Variants in GABRG1 observed in about 807,000 individuals in gnomAD.
GABRG1 encodes gamma-aminobutyric acid receptor subunit gamma-1.
GABRG1 carries 49 observed loss-of-function variants against 49.8 expected under a neutral mutation model. That is an observed-to-expected ratio of 0.98 (90% CI 0.78 to 1.25). The LOEUF (loss-of-function observed/expected upper bound fraction) is 1.25. GABRG1 is among the 50% of genes most tolerant of loss of function. The pLI, the probability that GABRG1 is intolerant of heterozygous loss-of-function variation, is 0.00. For missense variants in GABRG1, 552 were observed against 552.3 expected (o/e 1.00, Z 0.01); for synonymous variants, 232 against 185.1 (o/e 1.25, Z -2.06).
intron 7 of GABRG1, among the ~76,000 whole-genome samples, chr4:46,053,791 C>T (rs1226098097): frequency 6.6e-6 from 1 of 151,946 alleles, no homozygotes; most frequent in Non-Finnish European, 1.5e-5. Flanking sequence ...TGCTTTCAGA[C>T]ATTTATTTAA....
At position 46,051,481 on chromosome 4, in the gene GABRG1, G is replaced by C. The variant is rs770706010; in HGVS notation, c.1074C>G (p.Thr358=). 1 of 1,610,438 alleles carries C rather than the reference G, an allele frequency of 6.2e-7. No individual in the cohort carries two copies. The highest frequency in any genetic ancestry group is 8.5e-7 in the Non-Finnish European group (1 of 1,178,126). The change falls in exon 8 of 9, where the codon ACC becomes ACG. Residue 358 remains threonine (T), a synonymous_variant. Coordinates refer to ENST00000295452, the MANE Select transcript of GABRG1 (RefSeq NM_173536.4). ...LMEYGTLHYF[T]SNQKGKTATK... The stretch of plus-strand genomic sequence containing the variant: ...TAGCAGTCTTTCCTTTTTGGTTGCT[G>C]GTAAAATAATGCAAGGTTCCATATT...
At chr4:46,107,675 A>T (rs1720596020) in intron 1 of GABRG1, among the ~76,000 whole-genome samples, 1 of 151,054 alleles carries the variant, frequency 6.6e-6, no homozygotes, top group African/African-American at 2.4e-5. Flanking sequence ...GCCTTTGGAG[A>T]TATCAAAAAT....
chr4:46,111,939 A>T (rs1196749996), intron 1 of GABRG1, among the ~76,000 whole-genome samples: 2 of 151,066 alleles, frequency 1.3e-5, no homozygotes, highest in Non-Finnish European at 3.0e-5. Context: ...TAGGAAAGCA[A>T]TTATAGCTCA....
chr4:46,056,135 A>AAT (rs1718421485), intron 7 of GABRG1, among the ~76,000 whole-genome samples: 2 of 115,334 alleles, frequency 1.7e-5, no homozygotes, highest in African/African-American at 7.0e-5. Context: ...AAAAAAAAAA[A>AAT]AATAAATAAA....
At chr4:46,084,245 A>G (rs1719672770) in intron 2 of GABRG1, among the ~76,000 whole-genome samples, 192 bp from the exon 3 acceptor site, 1 of 151,732 alleles carries the variant, frequency 6.6e-6, no homozygotes. Flanking sequence ...AGTCACAGAT[A>G]ATTATATAGA....
chr4:46,098,032 A>C (rs1338401510), intron 1 of GABRG1, among the ~76,000 whole-genome samples: 1 of 151,728 alleles, frequency 6.6e-6, no homozygotes, highest in Non-Finnish European at 1.5e-5. Context: ...TGGGGAGATC[A>C]AATAACTCTC....
chr4:46,074,777 C>A (rs1719263644), intron 3 of GABRG1, among the ~76,000 whole-genome samples: 1 of 151,974 alleles, frequency 6.6e-6, no homozygotes, highest in Admixed American at 6.6e-5. Flanking sequence ...AAGGTATTGT[C>A]TTTTAATTAC....
In GABRG1 at chr4:46,091,339, G is replaced by A. The variant is rs555392367; in HGVS notation, c.253+5862C>T. Reference sequence around the variant, plus strand: ...CCTCTCTGGAATAAAATAATGTCATGTAGAATCTCCATTATTTTTCACATA... The same window carrying A: ...CCTCTCTGGAATAAAATAATGTCATATAGAATCTCCATTATTTTTCACATA... On this transcript the variant is annotated intron_variant, in intron 2 of 8. Coordinates refer to ENST00000295452, the MANE Select transcript of GABRG1 (RefSeq NM_173536.4). Among the ~76,000 whole-genome samples the A allele has an allele frequency of 8.5e-5, 13 of 152,096 alleles. 1 individual carries two copies. Among genetic ancestry groups the A allele is most frequent in the Admixed American group, 3.3e-4 (5 of 15,242 alleles).
chr4:46,066,595 G>A (rs1034365777), intron 3 of GABRG1, among the ~76,000 whole-genome samples: 6 of 152,104 alleles, frequency 3.9e-5, no homozygotes, highest in African/African-American at 1.4e-4. Flanking sequence ...CATAACAAAT[G>A]CATATAATGG....
intron 4 of GABRG1, among the ~76,000 whole-genome samples, chr4:46,064,782 A>G (rs1057155868): frequency 6.6e-6 from 1 of 152,152 alleles, no homozygotes; most frequent in African/African-American, 2.4e-5. Flanking sequence ...GTGTTTACAC[A>G]TAATAATTCA....
intron 2 of GABRG1, among the ~76,000 whole-genome samples, chr4:46,095,523 G>A (rs1045899538): frequency 6.6e-6 from 1 of 151,236 alleles, no homozygotes; most frequent in Non-Finnish European, 1.5e-5. Flanking sequence ...AATCCTAAAG[G>A]CTTCCAGGAG....
chr4:46,118,300 A>G (rs1253840764), intron 1 of GABRG1, among the ~76,000 whole-genome samples: 1 of 149,954 alleles, frequency 6.7e-6, no homozygotes, highest in African/African-American at 2.4e-5. Context: ...CTAGATGTAT[A>G]TATATCTTTC....
In GABRG1 at chr4:46,039,843, C is replaced by T. The variant is rs190645515; in HGVS notation, c.*1145G>A. ...TCTTTAACATGATTTTGAGGCTGCC[C>T]CCAGTTTCTAGAAAAAAAAAAGAAT... On this transcript the variant is annotated 3_prime_UTR_variant, in exon 9 of 9. Coordinates refer to ENST00000295452, the MANE Select transcript of GABRG1 (RefSeq NM_173536.4). The T allele has an allele frequency of 6.6e-6, 1 of 151,440 alleles. No homozygotes were observed. Among genetic ancestry groups the T allele is most frequent in the East Asian group, 1.9e-4 (1 of 5,156 alleles). 9.4% of individuals were successfully genotyped at this position (151,440 alleles called of 1,614,324 possible). A position where few individuals can be genotyped will look rare whatever the true frequency, so the allele number is the denominator to read the frequency against.
At chr4:46,073,776 A>G (rs575566557) in intron 3 of GABRG1, among the ~76,000 whole-genome samples, 70 of 152,208 alleles carry the variant, frequency 4.6e-4, no homozygotes, top group African/African-American at 1.7e-3. Flanking sequence ...ATTACGCACA[A>G]TAAGAGACTG....
intron 3 of GABRG1, among the ~76,000 whole-genome samples, chr4:46,072,138 T>C (rs1437318854): frequency 6.6e-6 from 1 of 152,100 alleles, no homozygotes; most frequent in East Asian, 1.9e-4. Context: ...ATGCTTATTG[T>C]GTTACAATTA....
chr4:46,118,030 A>T (rs889477469), intron 1 of GABRG1, among the ~76,000 whole-genome samples: 3 of 131,984 alleles, frequency 2.3e-5, no homozygotes, highest in Non-Finnish European at 1.6e-5. Flanking sequence ...ATCTATATAC[A>T]TATATACATA....
chr4:46,053,230 A>G (rs1718304742), intron 7 of GABRG1, among the ~76,000 whole-genome samples: 1 of 151,674 alleles, frequency 6.6e-6, no homozygotes, highest in Admixed American at 6.6e-5. Flanking sequence ...TAGAAAATAT[A>G]CTCTGAAAAT....
At chr4:46,111,092 G>A (rs912848568) in intron 1 of GABRG1, among the ~76,000 whole-genome samples, 1 of 150,944 alleles carries the variant, frequency 6.6e-6, no homozygotes, top group Non-Finnish European at 1.5e-5. Context: ...TCTATACCAG[G>A]AAAATCCCAA....
At chr4:46,066,876 G>A (rs573155750) in intron 3 of GABRG1, among the ~76,000 whole-genome samples, 6 of 150,090 alleles carry the variant, frequency 4.0e-5, no homozygotes, top group African/African-American at 7.5e-5. Flanking sequence ...TTATGTGTGC[G>A]TGTATATATG....
Sources: allele counts gnomAD v4.1 joint callset (sites outside exome capture counted in the v4.1 genomes callset), GRCh38; gene constraint gnomAD v4.1.1; transcripts MANE v1.5; gene names NCBI Gene and HGNC (gene_info 2026-07-23, HGNC 2026-07-21).